IMMP2L: variants seen among roughly 807,000 people sequenced by gnomAD.
IMMP2L encodes the protein inner mitochondrial membrane peptidase subunit 2, also known as mitochondrial inner membrane protease subunit 2.
A neutral mutation model predicts 19.3 loss-of-function variants in IMMP2L; 18 were observed. That is an observed-to-expected ratio of 0.93 (90% CI 0.64 to 1.38). The LOEUF is 1.38. Ranked by LOEUF, IMMP2L falls within the 40% of genes most tolerant of loss-of-function variation. The pLI is 0.00. For missense variants in IMMP2L, 233 were observed against 218.2 expected (o/e 1.07, Z -0.43); for synonymous variants, 76 against 73.0 (o/e 1.04, Z -0.21).
chr7:111,521,593 G>T, intron 1 of IMMP2L, 144 bp from the exon 2 acceptor site: 1 of 595,294 alleles, frequency 1.7e-6, no homozygotes, highest in Non-Finnish European at 2.7e-6. Context: ...GTAACCATTA[G>T]AATAAATCTG....
intron 3 of IMMP2L, among the ~76,000 whole-genome samples, chr7:111,204,330 A>G (rs1330692260): frequency 6.6e-6 from 1 of 152,190 alleles, no homozygotes; most frequent in Admixed American, 6.5e-5. Context: ...CTACAAGGGC[A>G]TAAAACAACA....
chr7:111,343,409 C>T (rs906394036), intron 3 of IMMP2L, among the ~76,000 whole-genome samples: 1 of 152,060 alleles, frequency 6.6e-6, no homozygotes, highest in Non-Finnish European at 1.5e-5. Context: ...GCTCTAATCA[C>T]AAGCTATCAC....
intron 3 of IMMP2L, among the ~76,000 whole-genome samples, chr7:110,991,719 G>A (rs903524520): frequency 5.9e-5 from 9 of 152,066 alleles, no homozygotes; most frequent in African/African-American, 2.2e-4. Flanking sequence ...CCCCACAGTG[G>A]TTACTATTAC....
At chr7:111,165,962 G>A (rs1805772759) in intron 3 of IMMP2L, among the ~76,000 whole-genome samples, 1 of 152,044 alleles carries the variant, frequency 6.6e-6, no homozygotes, top group African/African-American at 2.4e-5. Context: ...TCTCATAAGT[G>A]AGTGATATAT....
intron 3 of IMMP2L, among the ~76,000 whole-genome samples, chr7:111,137,108 T>A (rs377401196): frequency 6.6e-6 from 1 of 152,130 alleles, no homozygotes; most frequent in Admixed American, 6.5e-5. Context: ...GTCTTCGTCA[T>A]GTTGAAATGC....
chr7:111,005,155 A>G (rs1824156877), intron 3 of IMMP2L, among the ~76,000 whole-genome samples: 1 of 151,946 alleles, frequency 6.6e-6, no homozygotes, highest in African/African-American at 2.4e-5. Context: ...TCAGTGGTTC[A>G]CTCTGTTGGT....
intron 3 of IMMP2L, among the ~76,000 whole-genome samples, chr7:111,181,934 T>A (rs60913915): frequency 0.057 from 8,719 of 152,050 alleles, 515 homozygotes; most frequent in African/African-American, 0.14. Context: ...ATAGAACAAG[T>A]GTTGAATAAA....
intron 5 of IMMP2L, among the ~76,000 whole-genome samples, chr7:110,672,740 T>C (rs1234609415): frequency 1.3e-5 from 2 of 152,146 alleles, no homozygotes; most frequent in African/African-American, 2.4e-5. Flanking sequence ...AACCTTACAG[T>C]TCCAAAATGA....
At chr7:111,281,214 GAAAAAGAAAGAAAGAAAGAAAGAAA>G (rs1819802997) in intron 3 of IMMP2L, among the ~76,000 whole-genome samples, 12 of 30,828 alleles carry the variant, frequency 3.9e-4, no homozygotes, top group African/African-American at 1.5e-3. Flanking sequence ...AAGAAAGAAA[GAAAAAGAAAGAAAGAAAGAAAGAAA>G]GAAAGAAGAG....
At chr7:110,704,550 G>A (rs1190220084) in intron 5 of IMMP2L, among the ~76,000 whole-genome samples, 1 of 152,188 alleles carries the variant, frequency 6.6e-6, no homozygotes, top group Non-Finnish European at 1.5e-5. Context: ...GCCTCAAACT[G>A]CCCTACCAGA....
rs987211284 is a variant in IMMP2L at position 110,823,676 on chromosome 7, G to C, written c.408+62917C>G. 6.6e-5 allele frequency among the ~76,000 whole-genome samples: 10 copies of C among 152,120 alleles called. No individual in the cohort carries two copies. In the East Asian group the frequency reaches 1.4e-3, roughly 21 times the overall value. On this transcript the variant is annotated intron_variant, in intron 5 of 5. Transcript: ENST00000405709. ...TACTGTGATGCAGTAAAGACTCAGT[G>C]AATATTTACTTATTTGTCCTAGTAG...
intron 3 of IMMP2L, among the ~76,000 whole-genome samples, chr7:111,280,647 T>C (rs1042745479): frequency 6.6e-6 from 1 of 152,088 alleles, no homozygotes; most frequent in African/African-American, 2.4e-5. Flanking sequence ...GTCTAGGAAG[T>C]AACGTACAGG....
chr7:111,016,967 A>G (rs1308301037), intron 3 of IMMP2L, among the ~76,000 whole-genome samples: 2 of 122,472 alleles, frequency 1.6e-5, no homozygotes, highest in East Asian at 4.3e-4. Flanking sequence ...AATTATATGT[A>G]TAATTATATA....
intron 4 of IMMP2L, among the ~76,000 whole-genome samples, chr7:110,950,858 A>ATATATATATATATATATATATG (rs1554470744): frequency 8.1e-5 from 11 of 136,294 alleles, no homozygotes; most frequent in African/African-American, 3.2e-4. Context: ...ATATATATAT[A>ATATATATATATATATATATATG]TATATATATA....
intron 3 of IMMP2L, among the ~76,000 whole-genome samples, chr7:111,243,402 G>T (rs1815404671): frequency 6.6e-6 from 1 of 151,928 alleles, no homozygotes; most frequent in East Asian, 1.9e-4. Flanking sequence ...TTCTTGCATG[G>T]ACTAGTAATT....
At chr7:110,752,180 T>C (rs1045515883) in intron 5 of IMMP2L, among the ~76,000 whole-genome samples, 2 of 152,052 alleles carry the variant, frequency 1.3e-5, no homozygotes, top group Non-Finnish European at 2.9e-5. Context: ...GGTTTAGTGC[T>C]ATAGAAACGG....
chr7:110,663,695 A>C lies in IMMP2L; in HGVS notation c.435T>G (p.His145Gln). The C allele has an allele frequency of 6.2e-7, 1 of 1,601,710 alleles. No homozygotes were observed. The highest frequency in any genetic ancestry group is 8.5e-7 in the Non-Finnish European group (1 of 1,173,106). ...CTGGGGGCCACAGGATATGTGTGGC[A>C]TGGGCATGCAGAAGTCCTAGGGAAA... is the stretch of plus-strand genomic sequence containing the variant. The part of the protein sequence containing the change: ...GPVSLGLLHA[H>Q]ATHILWPPER... Residue 145 changes from histidine (H) to glutamine (Q), a missense_variant, in exon 6 of 6, where the codon CAT becomes CAG. Coordinates refer to ENST00000405709, the MANE Select transcript of IMMP2L (RefSeq NM_032549.4).
At chr7:111,375,309 G>A (rs1213416488) in intron 3 of IMMP2L, among the ~76,000 whole-genome samples, 3 of 151,534 alleles carry the variant, frequency 2.0e-5, no homozygotes, top group South Asian at 4.2e-4. Context: ...TAAAATATCT[G>A]CCACCAAAAA....
At chr7:110,809,058 C>T (rs888088532) in intron 5 of IMMP2L, among the ~76,000 whole-genome samples, 1 of 151,952 alleles carries the variant, frequency 6.6e-6, no homozygotes, top group Non-Finnish European at 1.5e-5. Flanking sequence ...GTCATCTTTC[C>T]CAAATAAAAA....
Sources: allele counts gnomAD v4.1 joint callset (sites outside exome capture counted in the v4.1 genomes callset), GRCh38; gene constraint gnomAD v4.1.1; transcripts MANE v1.5; gene names NCBI Gene and HGNC (gene_info 2026-07-23, HGNC 2026-07-21).